Variants in SMC1A observed in about 807,000 individuals in gnomAD.
SMC1A encodes structural maintenance of chromosomes 1A.
SMC1A carries 4 observed loss-of-function variants against 94.5 expected under a neutral mutation model. The ratio of observed to expected loss-of-function variants is 0.04; its 90% CI spans 0.02 to 0.10. The LOEUF is 0.10. Ranked by LOEUF, SMC1A falls within the 10% of genes least tolerant of loss-of-function variation. The pLI, the probability that SMC1A is intolerant of heterozygous loss-of-function variation, is 1.00. For missense variants in SMC1A, 304 were observed against 989.0 expected (o/e 0.31, Z 9.29); for synonymous variants, 345 against 347.7 (o/e 0.99, Z 0.09).
At position 53,412,193 on chromosome X, in the gene SMC1A, G is replaced by A. The variant is rs782522248; in HGVS notation, c.915C>T (p.Thr305=). ...RPQYIKAKEN[T]SHKIKKLEAA... Reference sequence around the variant, plus strand: ...CTTCCAGCTTCTTGATTTTGTGGGAGGTGTTCTCCTTGGCTTTGATGTACT... The same window carrying A: ...CTTCCAGCTTCTTGATTTTGTGGGAAGTGTTCTCCTTGGCTTTGATGTACT... The change falls in exon 6 of 25, where the codon ACC becomes ACT. Residue 305 remains threonine, a synonymous_variant. Coordinates refer to ENST00000322213, the MANE Select transcript of SMC1A (RefSeq NM_006306.4). 9.1e-6 allele frequency: 11 copies of A among 1,209,187 alleles called. No homozygotes were observed. Among genetic ancestry groups the A allele is most frequent in the South Asian group, 5.3e-5 (3 of 56,769 alleles).
chrX:53,380,431 A>G (rs781808246), intron 24 of SMC1A, among the ~76,000 whole-genome samples, 189 bp downstream of exon 24: 9 of 111,276 alleles, frequency 8.1e-5, no homozygotes, highest in Non-Finnish European at 1.5e-4. Context: ...CCTGTCCCCA[A>G]ATGCAATGGC....
chrX:53,406,847 G>A (rs1489659062), intron 9 of SMC1A, among the ~76,000 whole-genome samples: 2 of 111,271 alleles, frequency 1.8e-5, no homozygotes, highest in Non-Finnish European at 3.8e-5. Flanking sequence ...ACAGGTGCCC[G>A]CCACCATGCC....
intron 9 of SMC1A, among the ~76,000 whole-genome samples, chrX:53,406,775 G>C (rs1438340867): frequency 1.8e-5 from 2 of 111,759 alleles, no homozygotes; most frequent in African/African-American, 6.5e-5. Context: ...TTGGCTCACT[G>C]CAACCTCCAC....
At position 53,405,596 on chromosome X, in the gene SMC1A, G is replaced by A. The variant is rs1368119738; in HGVS notation, c.1808C>T (p.Pro603Leu). ...LVIDVIRYEP[P>L]HIKKALQYAC... The stretch of plus-strand genomic sequence containing the variant: ...ATACTGCAGGGCCTTTTTGATATGA[G>A]GTGGCTCATAGCGAATCACATCAAT... The change falls in exon 11 of 25, where the codon CCT becomes CTT. Residue 603 changes from proline to leucine, a missense_variant. Around this residue, in one of 11 missense-constraint regions of SMC1A, gnomAD observed 57 missense variants for 278.1 expected, o/e 0.20. Coordinates refer to ENST00000322213, the MANE Select transcript of SMC1A (RefSeq NM_006306.4). 8.3e-7 allele frequency: 1 copy of A among 1,210,086 alleles called. No homozygotes were observed. The highest frequency in any genetic ancestry group is 1.7e-5 in the African/African-American group (1 of 57,284).
intron 9 of SMC1A, among the ~76,000 whole-genome samples, chrX:53,406,370 T>C (rs929589740): frequency 9.0e-6 from 1 of 111,529 alleles, no homozygotes; most frequent in African/African-American, 3.3e-5. Context: ...TAACGTCCCT[T>C]TGAAAGGTGG....
At chrX:53,402,885 A>AAAAAAAAAAAAAAAAG (rs1447321369) in intron 15 of SMC1A, among the ~76,000 whole-genome samples, 1 of 86,961 alleles carries the variant, frequency 1.1e-5, no homozygotes, top group African/African-American at 4.5e-5. Flanking sequence ...AAAAAAAAAA[A>AAAAAAAAAAAAAAAAG]GGGCCGGCAA....
At chrX:53,388,824 C>T (rs1377045321) in intron 19 of SMC1A, among the ~76,000 whole-genome samples, 3 of 107,140 alleles carry the variant, frequency 2.8e-5, no homozygotes, top group Non-Finnish European at 5.8e-5. Context: ...GGTGAAACCC[C>T]GTCTACTAAA....
chrX:53,406,017 C>T, intron 9 of SMC1A, 61 bp from the exon 10 acceptor site: 1 of 1,045,076 alleles, frequency 9.6e-7, no homozygotes, highest in South Asian at 1.9e-5. Flanking sequence ...CTCAGGAATC[C>T]TAATTCCCAG....
intron 19 of SMC1A, among the ~76,000 whole-genome samples, chrX:53,387,415 G>A (rs1556886578): frequency 8.9e-6 from 1 of 112,129 alleles, no homozygotes; most frequent in Non-Finnish European, 1.9e-5. Flanking sequence ...ATAACTGGAA[G>A]ACTCAAAAAG....
chrX:53,404,794 G>C (rs1602409763), intron 13 of SMC1A, among the ~76,000 whole-genome samples: 1 of 111,915 alleles, frequency 8.9e-6, no homozygotes, highest in Non-Finnish European at 1.9e-5. Flanking sequence ...ATAAAGATGT[G>C]AAGGTTGACA....
At chrX:53,390,973 C>CAAAAAAAAAAAAAAAA (rs782771730) in intron 19 of SMC1A, among the ~76,000 whole-genome samples, 3 of 34,323 alleles carry the variant, frequency 8.7e-5, no homozygotes, top group African/African-American at 1.4e-4. Context: ...GACTCCGTCT[C>CAAAAAAAAAAAAAAAA]AAAAAAAAAA....
At chrX:53,401,402 T>C (rs1457083640) in intron 15 of SMC1A, among the ~76,000 whole-genome samples, 2 of 112,473 alleles carry the variant, frequency 1.8e-5, no homozygotes, top group African/African-American at 3.2e-5. Context: ...TAAAAATGCA[T>C]ATCCTTGTAA....
At chrX:53,422,459 A>G (rs782496352) in intron 1 of SMC1A, 33 bp downstream of exon 1, 1 of 966,633 alleles carries the variant, frequency 1.0e-6, no homozygotes, top group Non-Finnish European at 1.5e-6. Context: ...CCAGGCCGGG[A>G]CGTGCGCAGG....
chrX:53,390,270 G>A (rs950049677), intron 19 of SMC1A, among the ~76,000 whole-genome samples: 4 of 108,036 alleles, frequency 3.7e-5, no homozygotes, highest in South Asian at 4.2e-4. Context: ...GGCGGATCAC[G>A]AGGTCAGGAG....
At chrX:53,382,779 G>C (rs1556886075) in intron 20 of SMC1A, 119 bp from the exon 21 acceptor site, 1 of 905,880 alleles carries the variant, frequency 1.1e-6, no homozygotes, top group Non-Finnish European at 1.6e-6. Flanking sequence ...GTCCCAGAAG[G>C]ATCTGTATCC....
At chrX:53,382,769 G>A (rs1482125629) in intron 20 of SMC1A, 109 bp from the exon 21 acceptor site, 3 of 954,967 alleles carry the variant, frequency 3.1e-6, no homozygotes, top group East Asian at 6.3e-5. Flanking sequence ...CCTGAGGAGG[G>A]TCCCAGAAGG....
At chrX:53,390,263 G>A (rs917334461) in intron 19 of SMC1A, among the ~76,000 whole-genome samples, 2 of 108,213 alleles carry the variant, frequency 1.8e-5, no homozygotes, top group African/African-American at 6.7e-5. Flanking sequence ...CAAGGCGGGC[G>A]GATCACGAGG....
At position 53,396,161 on chromosome X, in the gene SMC1A, CT is replaced by C. The variant is rs1383418010; in HGVS notation, c.2862+65del. ...TCTCTCTCACTGCCCTTCCTGGTCA[CT>C]TTCACTCCCCATCCCTGGTTAATGA... On this transcript the variant is annotated intron_variant, in intron 18 of 24. Transcript: ENST00000322213. The C allele has an allele frequency of 4.4e-6, 5 of 1,141,630 alleles. No individual in the cohort carries two copies. The East Asian group carries it at 1.2e-4, about 27-fold the overall frequency. The allele number at this position is 1,141,630 out of a possible 1,213,427, so 94.1% of individuals were successfully genotyped here. A position where few individuals can be genotyped will look rare whatever the true frequency, so the allele number is the denominator to read the frequency against.
rs893697991 is a variant in SMC1A, at chrX:53,412,094, C to G, written c.1014G>C (p.Lys338Asn). ...GAGCCTTCTCCACTGACAGCATCTCCTTCTCCAGCTCATCCATGTCACCTT... is the reference window on the plus strand; with the variant it reads ...GAGCCTTCTCCACTGACAGCATCTCGTTCTCCAGCTCATCCATGTCACCTT... ...KRKGDMDELEKEMLSVEKARQ... is the reference protein window; with the variant it reads ...KRKGDMDELENEMLSVEKARQ... Residue 338 changes from lysine (K) to asparagine (N), a missense_variant, in exon 6 of 25, where the codon AAG (lysine) becomes AAC (asparagine). Lys to Asn is a moderately conservative substitution (Grantham distance 94). Coordinates refer to ENST00000322213, the MANE Select transcript of SMC1A (RefSeq NM_006306.4). The G allele has an allele frequency of 6.6e-6, 8 of 1,209,905 alleles. No homozygotes were observed. The highest frequency in any genetic ancestry group is 8.9e-6 in the Non-Finnish European group (8 of 895,062).
Sources: gnomAD v4.1 joint callset for allele counts (sites outside exome capture counted in the v4.1 genomes callset) on GRCh38, gnomAD v4.1.1 for gene constraint, gnomAD v4.1.1 regional missense constraint, MANE v1.5 for transcripts, NCBI Gene and HGNC (gene_info 2026-07-23, HGNC 2026-07-21) for gene names.